The following KHDRBS3 variants were observed in gnomAD, a reference collection of about 807,000 sequenced individuals.
KHDRBS3 encodes the protein KH RNA binding domain containing, signal transduction associated 3, also known as KH domain-containing, RNA-binding, signal transduction-associated protein 3.
In KHDRBS3, 23 loss-of-function variants were observed where a neutral mutation model predicts 45.6. The observed-to-expected ratio is 0.50, with a 90% CI of 0.36 to 0.72. The LOEUF is 0.72. KHDRBS3 is among the 30% of genes least tolerant of loss of function. The probability of loss-of-function intolerance (pLI) is 0.00; values close to 1 mark genes in which losing one functional copy is unlikely to be tolerated. For synonymous variants in KHDRBS3, 162 were observed against 156.5 expected, an observed-to-expected ratio of 1.04 and a Z score of -0.26; for missense variants, 352 against 424.8, an observed-to-expected ratio of 0.83 and a Z score of 1.51.
chr8:135,615,729 A>G (rs559151403), intron 7 of KHDRBS3, among the ~76,000 whole-genome samples: 1 of 152,334 alleles, frequency 6.6e-6, no homozygotes, highest in Non-Finnish European at 1.5e-5. Flanking sequence ...GTAAAAGAAA[A>G]TTAACATGGA....
At chr8:135,630,939 A>G (rs1376330845) in intron 7 of KHDRBS3, among the ~76,000 whole-genome samples, 8 of 152,144 alleles carry the variant, frequency 5.3e-5, no homozygotes, top group African/African-American at 1.9e-4. Context: ...TGCATAGGCT[A>G]CACTGCACAT....
intron 1 of KHDRBS3, among the ~76,000 whole-genome samples, chr8:135,518,585 C>T (rs145218017): frequency 3.6e-3 from 544 of 152,254 alleles, no homozygotes; most frequent in Non-Finnish European, 6.0e-3. Flanking sequence ...TTTGTTGAAT[C>T]GTCTAACTAT....
intron 1 of KHDRBS3, among the ~76,000 whole-genome samples, chr8:135,487,489 A>G (rs1297427922): frequency 1.3e-5 from 2 of 152,210 alleles, no homozygotes; most frequent in Admixed American, 1.3e-4. Context: ...TTCAAGATGT[A>G]CATAGACATG....
chr8:135,469,528 T>C (rs9773898), intron 1 of KHDRBS3, among the ~76,000 whole-genome samples: 2 of 25,996 alleles, frequency 7.7e-5, no homozygotes, highest in African/African-American at 1.6e-4. Context: ...TTTTGGTTTT[T>C]TTTTTTTTTT....
At chr8:135,493,266 C>A (rs930915790) in intron 1 of KHDRBS3, among the ~76,000 whole-genome samples, 3 of 151,734 alleles carry the variant, frequency 2.0e-5, no homozygotes, top group African/African-American at 4.8e-5. Context: ...TTTTTTTTCT[C>A]CCAAATCTGA....
chr8:135,645,102 A>G lies in KHDRBS3; in HGVS notation c.934A>G (p.Thr312Ala). 6.2e-7 allele frequency: 1 copy of G among 1,613,624 alleles called. No homozygotes were observed. The highest frequency in any genetic ancestry group is 8.5e-7 in the Non-Finnish European group (1 of 1,179,856). The part of the protein sequence containing the change: ...YDYGHGLSEE[T>A]YDSYGQEEWT... ...TTACGGACATGGACTCAGTGAGGAG[A>G]CTTATGATTCCTACGGTGAGTGACT... Residue 312 changes from threonine (T) to alanine (A), a missense_variant, in exon 8 of 9, where the codon ACT becomes GCT. Coordinates refer to ENST00000355849, the MANE Select transcript of KHDRBS3 (RefSeq NM_006558.3).
intron 5 of KHDRBS3, among the ~76,000 whole-genome samples, chr8:135,573,323 C>T (rs1330034660): frequency 2.0e-5 from 3 of 152,234 alleles, no homozygotes; most frequent in African/African-American, 7.2e-5. Flanking sequence ...TTTACAAACT[C>T]TTATCAGACC....
At chr8:135,642,714 T>C (rs1228465326) in intron 7 of KHDRBS3, among the ~76,000 whole-genome samples, 1 of 152,192 alleles carries the variant, frequency 6.6e-6, no homozygotes, top group Non-Finnish European at 1.5e-5. Flanking sequence ...AAGGATATGA[T>C]TAAGCCAGGA....
At chr8:135,569,674 A>ACCTTCTAAG (rs1827605805) in intron 5 of KHDRBS3, among the ~76,000 whole-genome samples, 2 of 152,132 alleles carry the variant, frequency 1.3e-5, no homozygotes, top group South Asian at 4.1e-4. Context: ...GGTGAGCCGC[A>ACCTTCTAAG]TGGTCTCTGG....
intron 5 of KHDRBS3, among the ~76,000 whole-genome samples, chr8:135,571,771 A>G (rs924178798): frequency 2.6e-5 from 4 of 152,132 alleles, no homozygotes; most frequent in African/African-American, 9.7e-5. Context: ...TGGGGAAGCC[A>G]GAGTTTCCAG....
rs546911800 is a variant in KHDRBS3, at chr8:135,619,675, C to G, written c.890+12638C>G. ...TGCTATCAATAGCTATCATTAAAGT[C>G]CTACAATTCTTTATCTAAAACTGTC... On this transcript the variant is annotated intron_variant, in intron 7 of 8. Transcript: ENST00000355849. Among the ~76,000 whole-genome samples, 24 of 152,312 alleles carry G rather than the reference C, an allele frequency of 1.6e-4. 1 individual carries two copies. The South Asian group carries it at 5.0e-3, about 32-fold the overall frequency.
intron 1 of KHDRBS3, among the ~76,000 whole-genome samples, chr8:135,466,394 A>C (rs1417738570): frequency 6.6e-6 from 1 of 152,192 alleles, no homozygotes. Context: ...CGAGGTCACA[A>C]AGCTAACTTA....
intron 1 of KHDRBS3, among the ~76,000 whole-genome samples, chr8:135,487,313 C>T (rs1029135901): frequency 6.6e-6 from 1 of 152,098 alleles, no homozygotes; most frequent in African/African-American, 2.4e-5. Flanking sequence ...CTGCTGGTTC[C>T]CAGGAGGGCC....
chr8:135,571,895 C>G (rs1827721598), intron 5 of KHDRBS3, among the ~76,000 whole-genome samples: 1 of 152,180 alleles, frequency 6.6e-6, no homozygotes, highest in African/African-American at 2.4e-5. Flanking sequence ...CACACACTTC[C>G]AAATCCTACT....
At chr8:135,513,222 G>T (rs1275189808) in intron 1 of KHDRBS3, among the ~76,000 whole-genome samples, 1 of 151,884 alleles carries the variant, frequency 6.6e-6, no homozygotes, top group African/African-American at 2.4e-5. Context: ...AAAAAAGCTG[G>T]ACACAGACTT....
chr8:135,475,402 C>G (rs13262911), intron 1 of KHDRBS3, among the ~76,000 whole-genome samples: 51,984 of 118,666 alleles, frequency 0.44, 8,884 homozygotes, highest in South Asian at 0.57. Context: ...ACTTCCACCC[C>G]CTGGGTTCAA....
At chr8:135,570,109 C>A (rs1212478426) in intron 5 of KHDRBS3, among the ~76,000 whole-genome samples, 1 of 152,002 alleles carries the variant, frequency 6.6e-6, no homozygotes, top group African/African-American at 2.4e-5. Context: ...AGGCAGAATG[C>A]ACTTATTTTG....
At chr8:135,532,487 G>A (rs749597826) in intron 2 of KHDRBS3, among the ~76,000 whole-genome samples, 3 of 152,156 alleles carry the variant, frequency 2.0e-5, no homozygotes, top group Admixed American at 6.5e-5. Flanking sequence ...AGAGGAGTGC[G>A]TGCTAATACA....
chr8:135,645,508 T>G (rs1418053244), intron 8 of KHDRBS3, among the ~76,000 whole-genome samples: 1 of 152,126 alleles, frequency 6.6e-6, no homozygotes, highest in Non-Finnish European at 1.5e-5. Context: ...CCCACCTTCA[T>G]CTTTATGTTT....
Sources: gnomAD v4.1 joint callset for allele counts (sites outside exome capture counted in the v4.1 genomes callset) on GRCh38, gnomAD v4.1.1 for gene constraint, MANE v1.5 for transcripts, NCBI Gene and HGNC (gene_info 2026-07-23, HGNC 2026-07-21) for gene names.